Variants in HMGCLL1 observed in about 807,000 individuals in gnomAD.
HMGCLL1 encodes the protein 3-hydroxy-3-methylglutaryl-CoA lyase like 1, also known as 3-hydroxymethyl-3-methylglutaryl-CoA lyase, cytoplasmic.
A neutral mutation model predicts 39.1 loss-of-function variants in HMGCLL1; 36 were observed. That is an observed-to-expected ratio of 0.92 (90% confidence interval 0.71 to 1.22). The LOEUF (loss-of-function observed/expected upper bound fraction) is 1.22. Among genes scored for constraint, HMGCLL1 ranks in the 50% most tolerant of loss-of-function variants. HMGCLL1 has a pLI of 0.00. For synonymous variants in HMGCLL1, 149 were observed against 144.0 expected (o/e 1.03, Z -0.25); for missense variants, 451 against 416.5 (o/e 1.08, Z -0.72).
chr6:55,617,232 A>G, the HMGCLL1 span, among the ~76,000 whole-genome samples: 1 of 152,084 alleles, frequency 6.6e-6, no homozygotes, highest in African/African-American at 2.4e-5. Flanking sequence ...TTTCTTGGCA[A>G]GTAGCCTGCA....
intron 5 of HMGCLL1, among the ~76,000 whole-genome samples, chr6:55,503,698 G>A (rs1767012818): frequency 6.6e-6 from 1 of 151,602 alleles, no homozygotes; most frequent in Non-Finnish European, 1.5e-5. Flanking sequence ...GTCTGAAGTG[G>A]TCATCGTCCC....
intron 1 of HMGCLL1, among the ~76,000 whole-genome samples, chr6:55,545,002 T>C (rs1769879280): frequency 6.6e-6 from 1 of 151,954 alleles, no homozygotes; most frequent in African/African-American, 2.4e-5. Flanking sequence ...ATATATGACA[T>C]GGGAAGGTGA....
the HMGCLL1 span, among the ~76,000 whole-genome samples, chr6:55,617,029 T>A: frequency 1.3e-5 from 2 of 152,254 alleles, no homozygotes; most frequent in Admixed American, 1.3e-4. Flanking sequence ...ATAAGATTTT[T>A]AAAAATTTTT....
chr6:55,438,234 C>T (rs1271146797), intron 8 of HMGCLL1, among the ~76,000 whole-genome samples: 1 of 151,980 alleles, frequency 6.6e-6, no homozygotes, highest in Non-Finnish European at 1.5e-5. Flanking sequence ...TTATTTCTAA[C>T]CAGAGAAAAT....
chr6:55,553,265 G>GTGTGTGTGTGTA (rs1351087924), intron 1 of HMGCLL1, among the ~76,000 whole-genome samples: 1 of 151,260 alleles, frequency 6.6e-6, no homozygotes, highest in Admixed American at 6.6e-5. Context: ...GTGTGTGTGT[G>GTGTGTGTGTGTA]TGTGTATGTA....
intron 7 of HMGCLL1, among the ~76,000 whole-genome samples, chr6:55,461,741 T>C (rs1447872651): frequency 6.6e-6 from 1 of 152,124 alleles, no homozygotes; most frequent in Non-Finnish European, 1.5e-5. Flanking sequence ...TAAATGTAGG[T>C]ACACTTGATT....
chr6:55,480,661 T>C (rs1765693161), intron 7 of HMGCLL1, among the ~76,000 whole-genome samples: 1 of 151,724 alleles, frequency 6.6e-6, no homozygotes, highest in Non-Finnish European at 1.5e-5. Flanking sequence ...GAAATTAGTA[T>C]ACCTAACAGA....
At chr6:55,616,662 G>A in the HMGCLL1 span, among the ~76,000 whole-genome samples, 2 of 151,978 alleles carry the variant, frequency 1.3e-5, no homozygotes, top group Admixed American at 1.3e-4. Context: ...TGACCTTACA[G>A]AATCTAATTA....
At chr6:55,646,519 C>T in the HMGCLL1 span, among the ~76,000 whole-genome samples, 5 of 151,632 alleles carry the variant, frequency 3.3e-5, no homozygotes, top group Non-Finnish European at 1.5e-5. Flanking sequence ...TTTTTTGATG[C>T]AAGTGCTTAC....
chr6:55,486,115 A>G (rs982458288), intron 7 of HMGCLL1, among the ~76,000 whole-genome samples: 3 of 149,374 alleles, frequency 2.0e-5, no homozygotes, highest in South Asian at 4.2e-4. Flanking sequence ...GTGTGTGTGT[A>G]TATATATAGT....
chr6:55,497,264 T>C (rs1766629710), intron 6 of HMGCLL1, among the ~76,000 whole-genome samples: 1 of 151,968 alleles, frequency 6.6e-6, no homozygotes, highest in African/African-American at 2.4e-5. Flanking sequence ...ATCTTTAGAA[T>C]ACAGACAACA....
the HMGCLL1 span, among the ~76,000 whole-genome samples, chr6:55,630,983 C>T: frequency 1.3e-5 from 2 of 152,026 alleles, no homozygotes; most frequent in Non-Finnish European, 2.9e-5. Context: ...TTTTTAGAAT[C>T]CTTTCCTTAT....
chr6:55,483,290 G>A (rs4585565), intron 7 of HMGCLL1, among the ~76,000 whole-genome samples: 43,059 of 152,044 alleles, frequency 0.28, 7,413 homozygotes, highest in Non-Finnish European at 0.37. Context: ...TTTTTGAGAT[G>A]GAGTCACACT....
the HMGCLL1 span, among the ~76,000 whole-genome samples, chr6:55,654,494 G>A: frequency 1.3e-5 from 2 of 151,886 alleles, no homozygotes; most frequent in African/African-American, 4.8e-5. Flanking sequence ...GTCATCTATC[G>A]ACTAACTCTG....
At chr6:55,638,287 A>T in the HMGCLL1 span, among the ~76,000 whole-genome samples, 1 of 151,780 alleles carries the variant, frequency 6.6e-6, no homozygotes, top group South Asian at 2.1e-4. Context: ...GGCGCTTGTA[A>T]TCCCAGCTAC....
intron 6 of HMGCLL1, among the ~76,000 whole-genome samples, chr6:55,496,359 C>A (rs533696749): frequency 6.6e-6 from 1 of 152,086 alleles, no homozygotes; most frequent in African/African-American, 2.4e-5. Flanking sequence ...TAGATAGTGC[C>A]ATTCTCATTC....
At chr6:55,583,575 T>G (rs1166000366), upstream of HMGCLL1, among the ~76,000 whole-genome samples, 4 of 152,184 alleles carry the variant, frequency 2.6e-5, no homozygotes, top group South Asian at 8.3e-4. Context: ...TGTGCCACAT[T>G]TTCTTAATCC....
At chr6:55,574,496 T>A (rs1771668731) in intron 1 of HMGCLL1, among the ~76,000 whole-genome samples, 1 of 145,108 alleles carries the variant, frequency 6.9e-6, no homozygotes, top group Non-Finnish European at 1.5e-5. Context: ...TGACATCTTA[T>A]AGACAGCAAT....
Position 55,495,591 on chromosome 6 carries a change from T to A in HMGCLL1, c.623A>T (p.Tyr208Phe), listed in dbSNP as rs1251541856. The part of the protein sequence containing the change: ...QKVTEVSKRL[Y>F]GMGCYEISLG... ...AGAGATCTCATAACAACCCATGCCG[T>A]ACAATCTCTTAGACACCTGTTGATA... is the stretch of plus-strand genomic sequence containing the variant. Residue 208 changes from tyrosine (Y) to phenylalanine (F), a missense_variant, in exon 7 of 9, where the codon TAC (tyrosine) becomes TTC (phenylalanine). Tyr to Phe is a conservative substitution (Grantham distance 22). Transcript: ENST00000274901. The A allele has an allele frequency of 5.0e-6, 8 of 1,608,892 alleles. No individual in the cohort carries two copies. Among genetic ancestry groups the A allele is most frequent in the Non-Finnish European group, 5.9e-6 (7 of 1,177,660 alleles).
Sources: allele counts gnomAD v4.1 joint callset (sites outside exome capture counted in the v4.1 genomes callset), GRCh38; gene constraint gnomAD v4.1.1; transcripts MANE v1.5; gene names NCBI Gene and HGNC (gene_info 2026-07-23, HGNC 2026-07-21).